Variants in XKR4 observed in about 807,000 individuals in gnomAD.
XKR4 encodes the protein XK related 4.
A neutral mutation model predicts 53.9 loss-of-function variants in XKR4; 12 were observed. The observed-to-expected ratio is 0.22, with a 90% CI of 0.14 to 0.36. The LOEUF (loss-of-function observed/expected upper bound fraction) is 0.36, where lower values mean the gene tolerates loss of function less well. XKR4 is among the 10% of genes least tolerant of loss of function. XKR4 has a pLI of 1.00. For missense variants in XKR4, 799 were observed against 859.5 expected (o/e 0.93, Z 0.88); for synonymous variants, 354 against 362.4 (o/e 0.98, Z 0.26).
At chr8:55,361,765 G>A (rs534495768) in intron 2 of XKR4, among the ~76,000 whole-genome samples, 6 of 152,128 alleles carry the variant, frequency 3.9e-5, no homozygotes, top group Admixed American at 6.5e-5. Context: ...ACCACGCTGC[G>A]CTCCTCTCTG....
chr8:55,421,249 A>G (rs1004209975), intron 2 of XKR4, among the ~76,000 whole-genome samples: 16 of 150,792 alleles, frequency 1.1e-4, no homozygotes, highest in Admixed American at 9.8e-4. Flanking sequence ...TAGGCAATCA[A>G]ACCTCTGGTA....
chr8:55,269,224 A>G, intron 1 of XKR4, among the ~76,000 whole-genome samples: 1 of 152,004 alleles, frequency 6.6e-6, no homozygotes, highest in East Asian at 1.9e-4. Flanking sequence ...TTTGGGCATT[A>G]GGGCTTTTAG....
chr8:55,121,675 A>C (rs1816392671), intron 1 of XKR4, among the ~76,000 whole-genome samples: 1 of 152,196 alleles, frequency 6.6e-6, no homozygotes, highest in Non-Finnish European at 1.5e-5. Flanking sequence ...CATGGGGGAA[A>C]TAAAAAACTA....
intron 2 of XKR4, among the ~76,000 whole-genome samples, chr8:55,410,177 C>T (rs550500916): frequency 2.0e-5 from 3 of 152,286 alleles, no homozygotes; most frequent in East Asian, 1.9e-4. Context: ...GACTCACCCC[C>T]CTTCTGGCTG....
intron 1 of XKR4, among the ~76,000 whole-genome samples, chr8:55,300,357 T>G (rs912032903): frequency 6.6e-6 from 1 of 152,062 alleles, no homozygotes; most frequent in African/African-American, 2.4e-5. Context: ...AAACAGCAGG[T>G]GGAAATCAGA....
At chr8:55,441,428 C>G (rs990303206) in intron 2 of XKR4, among the ~76,000 whole-genome samples, 12 of 152,026 alleles carry the variant, frequency 7.9e-5, no homozygotes, top group Admixed American at 3.3e-4. Flanking sequence ...TTTAACACAG[C>G]TCTCAGTAAA....
Position 55,513,918 on chromosome 8 carries a change from T to A in XKR4, c.1007-9363T>A, listed in dbSNP as rs116929832. Among the ~76,000 whole-genome samples the A allele has an allele frequency of 4.7e-4, 71 of 152,296 alleles. No homozygotes were observed. The East Asian group carries it at 0.012, about 26-fold the overall frequency. On this transcript the variant is annotated intron_variant, in intron 2 of 2. Coordinates refer to ENST00000327381, the MANE Select transcript of XKR4 (RefSeq NM_052898.2). ...GAAATGTGTCCACCAGTGAAATGAG[T>A]GAGGGGCCAGGAAACTGAGGCCCAT...
rs368044972 is a variant in XKR4, at chr8:55,102,867, G to T, written c.379G>T (p.Gly127Cys). The T allele has an allele frequency of 1.3e-5, 21 of 1,611,960 alleles. No homozygotes were observed. The highest frequency in any genetic ancestry group is 1.8e-5 in the Non-Finnish European group (21 of 1,179,926). The change falls in exon 1 of 3, where the codon GGC becomes TGC. Residue 127 changes from glycine to cysteine, a missense_variant. Gly to Cys is a radical substitution (Grantham distance 159). Transcript: ENST00000327381. The surrounding 1 kb of genome is among the most constrained non-coding windows in gnomAD (Gnocchi z 5.1). ...CGTGGCCGTGTACTTCGCGGACGTG[G>T]GCACAGACGTCTGGCTCGCCGTGGA... is the stretch of plus-strand genomic sequence containing the variant. ...AAVAVYFADV[G>C]TDVWLAVDYY...
At chr8:55,250,576 T>G (rs12678537) in intron 1 of XKR4, among the ~76,000 whole-genome samples, 37,641 of 152,118 alleles carry the variant, frequency 0.25, 5,110 homozygotes, top group East Asian at 0.5. Context: ...GCTTCTCATT[T>G]CAGCTCATCC....
intron 2 of XKR4, among the ~76,000 whole-genome samples, chr8:55,435,572 A>ATT (rs111621836): frequency 7.2e-6 from 1 of 138,926 alleles, no homozygotes; most frequent in Admixed American, 7.1e-5. Context: ...TTATTTTTTT[A>ATT]TTTTTTTTTA....
intron 1 of XKR4, among the ~76,000 whole-genome samples, chr8:55,210,586 T>G (rs1322160888): frequency 6.6e-6 from 1 of 152,244 alleles, no homozygotes; most frequent in East Asian, 1.9e-4. Context: ...AAAAACTATT[T>G]TGTTTTTCCG....
In XKR4 at chr8:55,510,277, C is replaced by G. The variant is rs1189316557; in HGVS notation, c.1007-13004C>G. Among the ~76,000 whole-genome samples, 3 of 152,034 alleles carry G rather than the reference C, an allele frequency of 2.0e-5. No homozygotes were observed. The East Asian group carries it at 5.8e-4, about 29-fold the overall frequency. ...AGTCCTTCAGGTGGAGAAAGGAGAC[C>G]CTGAGACCAGGAGAGAGAGGAAGGG... On this transcript the variant is annotated intron_variant, in intron 2 of 2. Transcript: ENST00000327381.
At chr8:55,303,751 T>C (rs1181140165) in intron 1 of XKR4, among the ~76,000 whole-genome samples, 1 of 152,232 alleles carries the variant, frequency 6.6e-6, no homozygotes, top group Non-Finnish European at 1.5e-5. Context: ...GAGGAATTTA[T>C]CCATTTCTTC....
At chr8:55,369,488 GAGAAAGAAAAGAAA>G (rs1804041622) in intron 2 of XKR4, among the ~76,000 whole-genome samples, 1 of 124,024 alleles carries the variant, frequency 8.1e-6, no homozygotes, top group East Asian at 2.6e-4. Flanking sequence ...GACAGAGAGA[GAGAAAGAAAAGAAA>G]AGAAAGAAAA....
At chr8:55,152,556 T>C (rs1032873460) in intron 1 of XKR4, among the ~76,000 whole-genome samples, 1 of 152,176 alleles carries the variant, frequency 6.6e-6, no homozygotes, top group African/African-American at 2.4e-5. Flanking sequence ...TTATAAAGGG[T>C]TGATTACTTT....
At chr8:55,277,766 T>A (rs1213003448) in intron 1 of XKR4, among the ~76,000 whole-genome samples, 1 of 152,200 alleles carries the variant, frequency 6.6e-6, no homozygotes, top group Admixed American at 6.5e-5. Flanking sequence ...GGAATAAGAC[T>A]ACAGAGGGAG....
At chr8:55,426,694 G>A (rs1805019667) in intron 2 of XKR4, among the ~76,000 whole-genome samples, 1 of 152,114 alleles carries the variant, frequency 6.6e-6, no homozygotes, top group African/African-American at 2.4e-5. Context: ...TTAAAAATAG[G>A]CTCTGATATT....
At chr8:55,385,905 A>T (rs562997936) in intron 2 of XKR4, among the ~76,000 whole-genome samples, 43 of 152,210 alleles carry the variant, frequency 2.8e-4, no homozygotes, top group Non-Finnish European at 5.4e-4. Flanking sequence ...AATGTGTTTT[A>T]TGGCTCCTAA....
At chr8:55,515,901 T>C (rs1029523185) in intron 2 of XKR4, among the ~76,000 whole-genome samples, 6 of 152,192 alleles carry the variant, frequency 3.9e-5, no homozygotes, top group African/African-American at 1.4e-4. Context: ...ATTTGAGATG[T>C]CCCTGCACTT....
Sources: allele counts gnomAD v4.1 joint callset (sites outside exome capture counted in the v4.1 genomes callset), GRCh38; gene constraint gnomAD v4.1.1; non-coding constraint Gnocchi (gnomAD v3.1); transcripts MANE v1.5; gene names NCBI Gene and HGNC (gene_info 2026-07-23, HGNC 2026-07-21).